The following B3GALT1 variants were observed in gnomAD, a reference collection of about 807,000 sequenced individuals.
B3GALT1 encodes beta-1,3-galactosyltransferase 1, also known as UDP-Gal:betaGlcNAc beta 1,3-galactosyltransferase, polypeptide 1.
In B3GALT1, 10 loss-of-function variants were observed where a neutral mutation model predicts 23.2. The observed-to-expected ratio is 0.43, with a 90% CI of 0.27 to 0.73. B3GALT1 has a LOEUF of 0.73. B3GALT1 is among the 30% of genes least tolerant of loss of function. B3GALT1 has a pLI of 0.21. For missense variants in B3GALT1, 299 were observed against 405.4 expected, an observed-to-expected ratio of 0.74 and a Z score of 2.25; for synonymous variants, 156 against 141.5, an observed-to-expected ratio of 1.10 and a Z score of -0.73.
intron 3 of B3GALT1, among the ~76,000 whole-genome samples, chr2:167,817,554 C>A (rs968401652): frequency 3.3e-5 from 5 of 151,510 alleles, no homozygotes; most frequent in Admixed American, 6.6e-5. Flanking sequence ...CAGTGATTAT[C>A]ATAGAAACAG....
At chr2:167,437,197 T>C (rs1553519106) in intron 1 of B3GALT1, among the ~76,000 whole-genome samples, 1 of 152,178 alleles carries the variant, frequency 6.6e-6, no homozygotes, top group Non-Finnish European at 1.5e-5. Context: ...CAGAAGCTCA[T>C]TTAGTCTGGT....
intron 3 of B3GALT1, among the ~76,000 whole-genome samples, chr2:167,685,978 AC>A (rs1475493765): frequency 3.3e-5 from 5 of 152,230 alleles, no homozygotes; most frequent in Non-Finnish European, 7.3e-5. Context: ...GGTTTGCTTT[AC>A]TGAAAACTAA....
At chr2:167,306,849 T>C (rs886272266) in intron 1 of B3GALT1, among the ~76,000 whole-genome samples, 9 of 152,026 alleles carry the variant, frequency 5.9e-5, no homozygotes, top group African/African-American at 1.4e-4. Flanking sequence ...TAAGCACTTA[T>C]GCTGGTCTTT....
At chr2:167,604,790 T>G (rs1041174890) in intron 2 of B3GALT1, among the ~76,000 whole-genome samples, 2 of 152,086 alleles carry the variant, frequency 1.3e-5, no homozygotes, top group African/African-American at 4.8e-5. Context: ...GCCCAGTCTG[T>G]GATGTTCACA....
At chr2:167,513,994 C>T (rs960140731) in intron 2 of B3GALT1, among the ~76,000 whole-genome samples, 1 of 152,152 alleles carries the variant, frequency 6.6e-6, no homozygotes, top group Non-Finnish European at 1.5e-5. Context: ...GCAAGCTCCG[C>T]CTCCCGGGTT....
Position 167,600,342 on chromosome 2 carries a change from A to G in B3GALT1, c.-409-46567A>G, listed in dbSNP as rs537167537. Among the ~76,000 whole-genome samples, 109 of 152,294 alleles carry G rather than the reference A, an allele frequency of 7.2e-4. 1 individual carries two copies. Among genetic ancestry groups the G allele is most frequent in the Non-Finnish European group, 2.6e-4 (18 of 68,018 alleles). On this transcript the variant is annotated intron_variant, in intron 2 of 4. Transcript: ENST00000392690. ...GATTTTGTAGCCTTTTCCAATCTAT[A>G]GTCACTATTTATTTGCTAACAATTT...
intron 3 of B3GALT1, among the ~76,000 whole-genome samples, chr2:167,688,996 C>T (rs1489693214): frequency 6.6e-6 from 1 of 152,020 alleles, no homozygotes; most frequent in Non-Finnish European, 1.5e-5. Flanking sequence ...TTTGCACACT[C>T]CACATTACTT....
intron 1 of B3GALT1, among the ~76,000 whole-genome samples, chr2:167,398,062 AT>A (rs1158976056): frequency 2.0e-5 from 3 of 152,124 alleles, no homozygotes; most frequent in Non-Finnish European, 4.4e-5. Context: ...AGCATGAAAC[AT>A]TTTTATATGC....
chr2:167,520,108 A>G (rs932610558), intron 2 of B3GALT1, among the ~76,000 whole-genome samples: 6 of 152,188 alleles, frequency 3.9e-5, no homozygotes, highest in Non-Finnish European at 8.8e-5. Flanking sequence ...ACATAAAGAT[A>G]CTTTGAAAAG....
intron 1 of B3GALT1, among the ~76,000 whole-genome samples, chr2:167,435,314 C>A (rs10186277): frequency 4.0e-5 from 6 of 150,532 alleles, no homozygotes; most frequent in African/African-American, 7.3e-5. Flanking sequence ...CATCTTTATT[C>A]TAACAGTCAA....
At chr2:167,560,046 A>C (rs1178083414) in intron 2 of B3GALT1, among the ~76,000 whole-genome samples, 1 of 152,228 alleles carries the variant, frequency 6.6e-6, no homozygotes, top group Non-Finnish European at 1.5e-5. Flanking sequence ...TGTTAAGGGC[A>C]GCCAGAGAGA....
chr2:167,624,508 A>G (rs1410946137), intron 2 of B3GALT1, among the ~76,000 whole-genome samples: 1 of 152,118 alleles, frequency 6.6e-6, no homozygotes, highest in Non-Finnish European at 1.5e-5. Context: ...CTAATGTTCA[A>G]AGCAACTTTG....
intron 1 of B3GALT1, among the ~76,000 whole-genome samples, chr2:167,459,375 A>T (rs1699220887): frequency 6.6e-6 from 1 of 152,186 alleles, no homozygotes; most frequent in South Asian, 2.1e-4. Flanking sequence ...CTTCAGTAAC[A>T]TACAAAACTC....
intron 3 of B3GALT1, among the ~76,000 whole-genome samples, chr2:167,650,633 G>T (rs1685846578): frequency 1.3e-5 from 2 of 152,020 alleles, no homozygotes; most frequent in Admixed American, 1.3e-4. Flanking sequence ...GAATTCATCA[G>T]TGAAGACATC....
chr2:167,426,361 G>A (rs749141302), intron 1 of B3GALT1, among the ~76,000 whole-genome samples: 26 of 149,692 alleles, frequency 1.7e-4, no homozygotes, highest in African/African-American at 5.4e-4. Context: ...TACAACCTCC[G>A]CCTCCTGGGT....
chr2:167,713,423 T>A (rs1162303745), intron 3 of B3GALT1, among the ~76,000 whole-genome samples: 2 of 152,204 alleles, frequency 1.3e-5, no homozygotes, highest in African/African-American at 4.8e-5. Context: ...AATTGCACCA[T>A]CCTAACAAAC....
intron 4 of B3GALT1, among the ~76,000 whole-genome samples, chr2:167,867,229 A>C (rs1690252097): frequency 6.6e-6 from 1 of 152,002 alleles, no homozygotes; most frequent in African/African-American, 2.4e-5. Context: ...CCCGGCCGAG[A>C]AGCTCTTTTT....
intron 2 of B3GALT1, among the ~76,000 whole-genome samples, chr2:167,616,379 G>A (rs1685162771): frequency 1.3e-5 from 2 of 152,086 alleles, no homozygotes; most frequent in South Asian, 4.2e-4. Context: ...ATGCGTGCGT[G>A]CACATCTGTG....
chr2:167,556,032 C>A (rs946169939), intron 2 of B3GALT1, among the ~76,000 whole-genome samples: 2 of 151,992 alleles, frequency 1.3e-5, no homozygotes, highest in South Asian at 4.2e-4. Context: ...TCTATGGATC[C>A]CAGGGACAAC....
Sources: gnomAD v4.1 joint callset for allele counts (sites outside exome capture counted in the v4.1 genomes callset) on GRCh38, gnomAD v4.1.1 for gene constraint, MANE v1.5 for transcripts, NCBI Gene and HGNC (gene_info 2026-07-23, HGNC 2026-07-21) for gene names.